Variants in PPP1R12B observed in about 807,000 individuals in gnomAD.
The protein encoded by PPP1R12B is myosin phosphatase target subunit 2.
Under a neutral mutation model 126.1 loss-of-function variants are expected in PPP1R12B, and 76 were observed. The ratio of observed to expected loss-of-function variants is 0.60; its 90% confidence interval spans 0.50 to 0.73. PPP1R12B has a LOEUF of 0.73. Among genes scored for constraint, PPP1R12B ranks in the 30% least tolerant of loss-of-function variants. The probability of loss-of-function intolerance (pLI) is 0.00; values close to 1 mark genes in which losing one functional copy is unlikely to be tolerated. For missense variants in PPP1R12B, 1,052 were observed against 1,205.1 expected, an observed-to-expected ratio of 0.87 and a Z score of 1.88; for synonymous variants, 356 against 434.7, an observed-to-expected ratio of 0.82 and a Z score of 2.25.
rs758716330 is a variant in PPP1R12B, at chr1:202,419,001, G to A, written c.422+2084G>A. On this transcript the variant is annotated intron_variant, in intron 2 of 23. Coordinates refer to ENST00000608999, the MANE Select transcript of PPP1R12B (RefSeq NM_002481.4). This position sits in a 1 kb window ranked among gnomAD's most constrained non-coding sequence, Gnocchi z 4.6. ...CTAAATTTCAAGGGAGTAGAAATGA[G>A]TAAAGGCAAACTGGCTTTCTAGGAA... 4.6e-5 allele frequency among the ~76,000 whole-genome samples: 7 copies of A among 152,096 alleles called. No homozygotes were observed. The highest frequency in any genetic ancestry group is 1.0e-4 in the Non-Finnish European group (7 of 68,000).
intron 13 of PPP1R12B, among the ~76,000 whole-genome samples, chr1:202,459,249 T>C (rs1351726861): frequency 6.6e-6 from 1 of 152,256 alleles, no homozygotes; most frequent in Non-Finnish European, 1.5e-5. Flanking sequence ...TTTTTATTTT[T>C]ATTTTTTCTG....
In PPP1R12B at chr1:202,445,583, G is replaced by GT. The variant is rs532358144; in HGVS notation, c.1667+3012dup. 5.9e-5 allele frequency among the ~76,000 whole-genome samples: 9 copies of GT among 152,284 alleles called. No individual in the cohort carries two copies. In the East Asian group the frequency reaches 1.7e-3, roughly 29 times the overall value. On this transcript the variant is annotated intron_variant, in intron 12 of 23. Coordinates refer to ENST00000608999, the MANE Select transcript of PPP1R12B (RefSeq NM_002481.4). ...ATATTTTACTTCTATTAATTTTCCA[G>GT]TAATTATAATAGGAATCTCTTGTAT...
chr1:202,506,419 C>T (rs1243626533), intron 18 of PPP1R12B, among the ~76,000 whole-genome samples: 1 of 152,188 alleles, frequency 6.6e-6, no homozygotes, highest in Admixed American at 6.5e-5. Context: ...TCTCAGTAAT[C>T]AAAGCTCACA....
At position 202,418,507 on chromosome 1, in the gene PPP1R12B, T is replaced by G. The variant is rs538595714; in HGVS notation, c.422+1590T>G. 3.3e-5 allele frequency among the ~76,000 whole-genome samples: 5 copies of G among 152,306 alleles called. No individual in the cohort carries two copies. In the East Asian group the frequency reaches 9.6e-4, roughly 29 times the overall value. On this transcript the variant is annotated intron_variant, in intron 2 of 23. Transcript: ENST00000608999. ...TTTACAGTGATTTCTTTAATTCGTC[T>G]TTATGAACAAATATAATTCTTCTGG... is the stretch of plus-strand genomic sequence containing the variant.
chr1:202,365,205 C>T (rs1164854446), intron 1 of PPP1R12B, among the ~76,000 whole-genome samples: 1 of 151,972 alleles, frequency 6.6e-6, no homozygotes, highest in African/African-American at 2.4e-5. Flanking sequence ...ATTCCAGCAC[C>T]TTGGGATGCC....
intron 1 of PPP1R12B, among the ~76,000 whole-genome samples, chr1:202,358,538 C>T (rs531549189): frequency 5.9e-4 from 90 of 152,192 alleles, no homozygotes; most frequent in African/African-American, 1.7e-3. Flanking sequence ...AAAAATTAGC[C>T]GGGCGTGGTC....
intron 1 of PPP1R12B, among the ~76,000 whole-genome samples, chr1:202,409,062 C>T (rs1187555475): frequency 6.6e-6 from 1 of 151,634 alleles, no homozygotes; most frequent in African/African-American, 2.4e-5. Context: ...TGGTCTTGAA[C>T]TCCTGAGCTC....
chr1:202,484,496 A>ACT (rs1339797592), intron 13 of PPP1R12B, among the ~76,000 whole-genome samples: 1 of 152,216 alleles, frequency 6.6e-6, no homozygotes, highest in African/African-American at 2.4e-5. Flanking sequence ...AAACCTTCGT[A>ACT]CTAGAGGACT....
Position 202,559,096 on chromosome 1 carries a change from T to C in PPP1R12B, c.2507+203T>C, listed in dbSNP as rs1289560140. Reference sequence around the variant, plus strand: ...CAAGCTTTTCAATTTACCTTCCTGCTTCCAGATTCTCCTCTTTCCAGTTCA... The same window carrying C: ...CAAGCTTTTCAATTTACCTTCCTGCCTCCAGATTCTCCTCTTTCCAGTTCA... On this transcript the variant is annotated intron_variant, in intron 19 of 23. Transcript: ENST00000608999. Among the ~76,000 whole-genome samples, 12 of 152,376 alleles carry C rather than the reference T, an allele frequency of 7.9e-5. No homozygotes were observed. In the East Asian group the frequency reaches 1.9e-3, roughly 24 times the overall value.
At chr1:202,481,340 A>G (rs1227377972) in intron 13 of PPP1R12B, among the ~76,000 whole-genome samples, 2 of 152,246 alleles carry the variant, frequency 1.3e-5, no homozygotes, top group Non-Finnish European at 2.9e-5. Flanking sequence ...GAAAGCTATC[A>G]CAATACTCCT....
intron 19 of PPP1R12B, among the ~76,000 whole-genome samples, chr1:202,561,409 A>C (rs1687516850): frequency 6.6e-6 from 1 of 151,642 alleles, no homozygotes; most frequent in Non-Finnish European, 1.5e-5. Flanking sequence ...TAGTGAGGCA[A>C]ATCTATTTTT....
chr1:202,431,711 T>C, intron 8 of PPP1R12B, 92 bp downstream of exon 8: 1 of 1,240,602 alleles, frequency 8.1e-7, no homozygotes, highest in Non-Finnish European at 1.1e-6. Context: ...CTCACAGGAC[T>C]CCAAAAAGAG....
intron 1 of PPP1R12B, among the ~76,000 whole-genome samples, chr1:202,415,594 A>C (rs1667960775): frequency 6.6e-6 from 1 of 152,086 alleles, no homozygotes; most frequent in Non-Finnish European, 1.5e-5. Context: ...CCACATTTTT[A>C]TTCTGTAGCT....
At chr1:202,553,446 T>A (rs1415178071) in intron 18 of PPP1R12B, among the ~76,000 whole-genome samples, 3 of 152,226 alleles carry the variant, frequency 2.0e-5, no homozygotes, top group African/African-American at 4.8e-5. Flanking sequence ...GTTCTAAGAC[T>A]TCCAGATTAG....
intron 10 of PPP1R12B, chr1:202,439,009 G>A (rs1671234870): frequency 1.4e-6 from 2 of 1,410,894 alleles, no homozygotes; most frequent in East Asian, 2.3e-5. Context: ...GGAAGCAGGA[G>A]TGCGGCAGTG....
intron 1 of PPP1R12B, among the ~76,000 whole-genome samples, chr1:202,403,480 G>A (rs1190035200): frequency 6.6e-6 from 1 of 152,180 alleles, no homozygotes; most frequent in Non-Finnish European, 1.5e-5. Flanking sequence ...TTCAGCTGTA[G>A]CTGAGACCTT....
chr1:202,391,630 C>T lies in PPP1R12B; in HGVS notation c.292-25157C>T, dbSNP rs1383226145. 5.9e-5 allele frequency among the ~76,000 whole-genome samples: 8 copies of T among 134,558 alleles called. No individual in the cohort carries two copies. In the Admixed American group the frequency reaches 6.0e-4, roughly 10 times the overall value. 88.3% of individuals were successfully genotyped at this position (134,558 alleles called of 152,430 possible). On this transcript the variant is annotated intron_variant, in intron 1 of 23. Transcript: ENST00000608999. ...GATAAATGAATTATCTTCAGGTGTA[C>T]TGAAGATAAATGAATTATCTTCAGG...
At chr1:202,492,575 TC>T (rs1319041432) in intron 14 of PPP1R12B, among the ~76,000 whole-genome samples, 1 of 152,220 alleles carries the variant, frequency 6.6e-6, no homozygotes, top group Non-Finnish European at 1.5e-5. Flanking sequence ...TGTTGGAATA[TC>T]CCTATATGAT....
rs35632865 is a variant in PPP1R12B, at chr1:202,408,843, CTTTTTTTTTTT to C, written c.292-7934_292-7924del. Among the ~76,000 whole-genome samples, 11 of 113,342 alleles carry C rather than the reference CTTTTTTTTTTT, an allele frequency of 9.7e-5. 1 individual carries two copies. Among genetic ancestry groups the C allele is most frequent in the Admixed American group, 6.1e-4 (6 of 9,914 alleles). The allele number at this position is 113,342 out of a possible 152,430, so 74.4% of individuals were successfully genotyped here. A position where few individuals can be genotyped will look rare whatever the true frequency, so the allele number is the denominator to read the frequency against. ...TGCTTTCAATTATTATTATTTCTTT[CTTTTTTTTTTT>C]TTTTTTTTTGAGACAGGGTTTCATT... On this transcript the variant is annotated intron_variant, in intron 1 of 23. Coordinates refer to ENST00000608999, the MANE Select transcript of PPP1R12B (RefSeq NM_002481.4).
Sources: allele counts gnomAD v4.1 joint callset (sites outside exome capture counted in the v4.1 genomes callset), GRCh38; gene constraint gnomAD v4.1.1; non-coding constraint Gnocchi (gnomAD v3.1); transcripts MANE v1.5; gene names NCBI Gene and HGNC (gene_info 2026-07-23, HGNC 2026-07-21).